Variants in RBFOX1 observed in about 807,000 individuals in gnomAD.
The protein encoded by RBFOX1 is RNA binding protein fox-1 homolog 1.
A neutral mutation model predicts 57.7 loss-of-function variants in RBFOX1; 8 were observed. That is an observed-to-expected ratio of 0.14 (90% CI 0.08 to 0.25). RBFOX1 has a LOEUF of 0.25. RBFOX1 is among the 10% of genes least tolerant of loss of function. The pLI is 1.00. For missense variants in RBFOX1, 611 were observed against 548.5 expected (o/e 1.11, Z -1.14); for synonymous variants, 326 against 222.4 (o/e 1.47, Z -4.15).
intron 11 of RBFOX1, among the ~76,000 whole-genome samples, chr16:7,641,488 A>T (rs1249811017): frequency 6.6e-6 from 1 of 152,180 alleles, no homozygotes; most frequent in Non-Finnish European, 1.5e-5. Context: ...ACCACACCAC[A>T]TGTTTTAGAT....
intron 2 of RBFOX1, among the ~76,000 whole-genome samples, chr16:6,468,145 G>C (rs1216643951): frequency 6.6e-6 from 1 of 152,086 alleles, no homozygotes; most frequent in African/African-American, 2.4e-5. Flanking sequence ...GTGCAATGTG[G>C]GATAGAATTC....
intron 4 of RBFOX1, among the ~76,000 whole-genome samples, chr16:7,507,625 G>A (rs2073799389): frequency 6.9e-6 from 1 of 145,588 alleles, no homozygotes; most frequent in African/African-American, 2.6e-5. Context: ...GTGCAGTGGC[G>A]CGATCTTGGC....
At chr16:6,511,834 G>A (rs555490747) in intron 2 of RBFOX1, among the ~76,000 whole-genome samples, 3 of 152,232 alleles carry the variant, frequency 2.0e-5, no homozygotes, top group Admixed American at 6.5e-5. Flanking sequence ...TTGAAGTCAC[G>A]GCTTTCTTCT....
chr16:7,258,555 C>T (rs1603451495), intron 4 of RBFOX1, among the ~76,000 whole-genome samples: 2 of 152,044 alleles, frequency 1.3e-5, no homozygotes, highest in Non-Finnish European at 2.9e-5. Flanking sequence ...TATATCAGTA[C>T]TGGCACATCT....
intron 4 of RBFOX1, among the ~76,000 whole-genome samples, chr16:7,403,455 G>T (rs1232809134): frequency 6.6e-6 from 1 of 152,058 alleles, no homozygotes; most frequent in Non-Finnish European, 1.5e-5. Context: ...GAGTGTTTTA[G>T]ATCCTGCATG....
At chr16:7,403,850 T>C (rs866464859) in intron 4 of RBFOX1, among the ~76,000 whole-genome samples, 23 of 151,696 alleles carry the variant, frequency 1.5e-4, no homozygotes, top group African/African-American at 4.6e-4. Flanking sequence ...CGGGGCTCCT[T>C]GTTTTCTTAA....
intron 3 of RBFOX1, among the ~76,000 whole-genome samples, chr16:6,952,358 G>C (rs1489531402): frequency 6.6e-6 from 1 of 152,172 alleles, no homozygotes; most frequent in African/African-American, 2.4e-5. Context: ...CTGTTAGAAA[G>C]TAAACTTGTT....
intron 4 of RBFOX1, among the ~76,000 whole-genome samples, chr16:7,077,226 A>G (rs925842889): frequency 5.3e-5 from 8 of 152,218 alleles, no homozygotes; most frequent in Non-Finnish European, 7.3e-5. Context: ...TGTTCAGACA[A>G]TCCATGAGGG....
intron 4 of RBFOX1, among the ~76,000 whole-genome samples, chr16:5,940,038 TAC>T (rs2059248435): frequency 6.6e-6 from 1 of 152,252 alleles, no homozygotes. Flanking sequence ...TACAGGATTA[TAC>T]AGTCATAGTG....
At chr16:7,365,034 G>A (rs573470549) in intron 4 of RBFOX1, among the ~76,000 whole-genome samples, 7 of 152,176 alleles carry the variant, frequency 4.6e-5, no homozygotes, top group East Asian at 1.9e-4. Context: ...CCGTCCGTCC[G>A]TCTGTCCGTC....
At chr16:6,999,754 G>T (rs181172264) in intron 3 of RBFOX1, among the ~76,000 whole-genome samples, 1 of 151,864 alleles carries the variant, frequency 6.6e-6, no homozygotes, top group Non-Finnish European at 1.5e-5. Flanking sequence ...GAACTGTATT[G>T]TCATTAATGT....
At chr16:6,288,716 C>T (rs2077149930) in intron 1 of RBFOX1, among the ~76,000 whole-genome samples, 1 of 152,120 alleles carries the variant, frequency 6.6e-6, no homozygotes, top group South Asian at 2.1e-4. Context: ...ACTGTCTCTG[C>T]TGGTACAGCT....
At chr16:7,369,500 C>T (rs904511042) in intron 4 of RBFOX1, among the ~76,000 whole-genome samples, 10 of 152,154 alleles carry the variant, frequency 6.6e-5, no homozygotes, top group Non-Finnish European at 1.5e-4. Flanking sequence ...TAACTCCCTG[C>T]ATTTGCATTC....
chr16:5,317,889 C>G (rs895836462), intron 1 of RBFOX1, among the ~76,000 whole-genome samples: 1 of 152,136 alleles, frequency 6.6e-6, no homozygotes, highest in African/African-American at 2.4e-5. Flanking sequence ...TTTTTATCAT[C>G]TTCCTAAACA....
At chr16:7,157,187 A>C (rs912440817) in intron 4 of RBFOX1, among the ~76,000 whole-genome samples, 13 of 152,190 alleles carry the variant, frequency 8.5e-5, no homozygotes, top group African/African-American at 3.1e-4. Context: ...TCAGCCTTAG[A>C]ATTGCAGGCT....
intron 1 of RBFOX1, among the ~76,000 whole-genome samples, chr16:5,446,407 T>A (rs188208928): frequency 3.9e-5 from 6 of 152,184 alleles, no homozygotes; most frequent in Admixed American, 2.0e-4. Context: ...AATGTTTCTT[T>A]CCTCTTTTTT....
At chr16:6,999,941 A>C (rs1283175958) in intron 3 of RBFOX1, among the ~76,000 whole-genome samples, 1 of 151,912 alleles carries the variant, frequency 6.6e-6, no homozygotes, top group Non-Finnish European at 1.5e-5. Context: ...GTGTGGTGGC[A>C]CACACTTGTA....
At chr16:6,913,584 G>A (rs890515439) in intron 3 of RBFOX1, among the ~76,000 whole-genome samples, 2 of 152,084 alleles carry the variant, frequency 1.3e-5, no homozygotes, top group South Asian at 4.1e-4. Context: ...GTTATAAGTC[G>A]GTAGCATCCC....
chr16:5,691,996 T>C (rs973891487), intron 3 of RBFOX1, among the ~76,000 whole-genome samples: 4 of 140,816 alleles, frequency 2.8e-5, no homozygotes, highest in Non-Finnish European at 6.1e-5. Flanking sequence ...CTGCTAAGAA[T>C]GTGCACATTT....
Sources: allele counts gnomAD v4.1 joint callset (sites outside exome capture counted in the v4.1 genomes callset), GRCh38; gene constraint gnomAD v4.1.1; transcripts MANE v1.5; gene names NCBI Gene and HGNC (gene_info 2026-07-23, HGNC 2026-07-21).